PEX12: variants seen among roughly 807,000 people sequenced by gnomAD.
PEX12 encodes the protein peroxisome assembly protein 12.
In PEX12, 31 loss-of-function variants were observed where a neutral mutation model predicts 32.5. That is an observed-to-expected ratio of 0.95 (90% CI 0.72 to 1.29). The LOEUF (loss-of-function observed/expected upper bound fraction) is 1.29, where lower values mean the gene tolerates loss of function less well. PEX12 is among the 50% of genes most tolerant of loss of function. The pLI, the probability that PEX12 is intolerant of heterozygous loss-of-function variation, is 0.00. For missense variants in PEX12, 359 were observed against 419.0 expected, an observed-to-expected ratio of 0.86 and a Z score of 1.25; for synonymous variants, 148 against 157.2, an observed-to-expected ratio of 0.94 and a Z score of 0.44.
intron 2 of PEX12, among the ~76,000 whole-genome samples, chr17:35,576,434 C>A (rs1597922684): frequency 1.4e-5 from 2 of 142,526 alleles, no homozygotes; most frequent in African/African-American, 2.6e-5. Flanking sequence ...AAAGATAAAT[C>A]AGAGAATTTG....
chr17:35,578,521 GCGC>G lies in PEX12; in HGVS notation c.-503_-501del, dbSNP rs1244927794. The G allele has an allele frequency of 4.3e-6, 1 of 234,096 alleles. No homozygotes were observed. The highest frequency in any genetic ancestry group is 2.3e-5 in the African/African-American group (1 of 44,424). The allele number at this position is 234,096 out of a possible 1,614,324, so 14.5% of individuals were successfully genotyped here. ...TCCTTGCTCGCTGACCCCAGGCGAG[GCGC>G]AAACAACCCACGACGCCACGTTTGA... On this transcript the variant is annotated 5_prime_UTR_variant, in exon 1 of 3. Coordinates refer to ENST00000225873, the MANE Select transcript of PEX12 (RefSeq NM_000286.3).
rs1462672672 is a variant in PEX12 at position 35,575,609 on chromosome 17, C to T, written c.*173G>A. 2.9e-6 allele frequency: 2 copies of T among 699,322 alleles called. No individual in the cohort carries two copies. Among genetic ancestry groups the T allele is most frequent in the Non-Finnish European group, 5.0e-6 (2 of 397,796 alleles). The allele number at this position is 699,322 out of a possible 1,614,324, so 43.3% of individuals were successfully genotyped here. A position where few individuals can be genotyped will look rare whatever the true frequency, so the allele number is the denominator to read the frequency against. ...TGTAAGTAGGGTTCTAGAGAGCAGG[C>T]TAAAAGGTTAGGATCAAATGGGCAT... is the stretch of plus-strand genomic sequence containing the variant. On this transcript the variant is annotated 3_prime_UTR_variant, in exon 3 of 3. Transcript: ENST00000225873.
Position 35,578,092 on chromosome 17 carries a change from A to G in PEX12, c.-71T>C. On this transcript the variant is annotated 5_prime_UTR_variant, in exon 1 of 3. Transcript: ENST00000225873. ...GTGAGCATGAACTTTTTCGGGAGGA[A>G]GAGTATCAGATGGGTGCTCAGTCTT... 4 of 1,586,742 alleles carry G rather than the reference A, an allele frequency of 2.5e-6. No homozygotes were observed. The highest frequency in any genetic ancestry group is 2.2e-5 in the East Asian group (1 of 44,674).
intron 2 of PEX12, 57 bp downstream of exon 2, chr17:35,576,981 G>C: frequency 6.7e-7 from 1 of 1,494,970 alleles, no homozygotes; most frequent in Non-Finnish European, 9.3e-7. Context: ...TTACAAAACT[G>C]GGATACGATT....
At position 35,575,747 on chromosome 17, in the gene PEX12, A is replaced by T. The variant is rs780946763; in HGVS notation, c.*35T>A. On this transcript the variant is annotated 3_prime_UTR_variant, in exon 3 of 3. Coordinates refer to ENST00000225873, the MANE Select transcript of PEX12 (RefSeq NM_000286.3). ...ACCAGCTCTGTGACATTACAGCGCA[A>T]TACTTTTGTTGTGAGGATAAGACAT... The T allele has an allele frequency of 8.1e-6, 13 of 1,607,328 alleles. No individual in the cohort carries two copies. Among genetic ancestry groups the T allele is most frequent in the Non-Finnish European group, 1.1e-5 (13 of 1,173,894 alleles).
At position 35,577,460 on chromosome 17, in the gene PEX12, A is replaced by G. The variant is rs529434949; in HGVS notation, c.258T>C (p.Phe86=). The change falls in exon 2 of 3, where the codon TTT becomes TTC. Residue 86 remains phenylalanine, a synonymous_variant. Transcript: ENST00000225873. The stretch of plus-strand genomic sequence containing the variant: ...CCATTACAATTCTCTTTAAGCCGTA[A>G]AAGTTTTCAGAAAATGAGGCACTGG... The part of the protein sequence containing the change: ...SRTSASFSEN[F]YGLKRIVMGD... 6 of 1,614,176 alleles carry G rather than the reference A, an allele frequency of 3.7e-6. No individual in the cohort carries two copies. The East Asian group carries it at 1.3e-4, about 36-fold the overall frequency.
At position 35,578,365 on chromosome 17, in the gene PEX12, A is replaced by G. The variant is rs531377639; in HGVS notation, c.-344T>C. ...GCAATCCTCTGGAGCTGCGAACCAG[A>G]AACGCCCCCTCCTCCCCAATCGTGA... On this transcript the variant is annotated 5_prime_UTR_variant, in exon 1 of 3. Transcript: ENST00000225873. The G allele has an allele frequency of 2.8e-6, 1 of 354,178 alleles. No homozygotes were observed. Among genetic ancestry groups the G allele is most frequent in the Admixed American group, 3.8e-5 (1 of 26,364 alleles). The allele number at this position is 354,178 out of a possible 1,614,324, so 21.9% of individuals were successfully genotyped here. A position where few individuals can be genotyped will look rare whatever the true frequency, so the allele number is the denominator to read the frequency against.
At chr17:35,576,600 T>C (rs1241655332) in intron 2 of PEX12, among the ~76,000 whole-genome samples, 1 of 152,058 alleles carries the variant, frequency 6.6e-6, no homozygotes, top group African/African-American at 2.4e-5. Context: ...CACAGCATCA[T>C]GATTAAGAGC....
chr17:35,577,682 A>G, intron 1 of PEX12, 91 bp from the exon 2 acceptor site: 1 of 1,423,308 alleles, frequency 7.0e-7, no homozygotes, highest in Middle Eastern at 2.4e-4. Flanking sequence ...AAGTCTACAC[A>G]ATTTGTTTTA....
Position 35,577,571 on chromosome 17 carries a change from G to A in PEX12, c.147C>T (p.Pro49=). Residue 49 remains proline (P), a synonymous_variant, in exon 2 of 3, where the codon CCC becomes CCT. Coordinates refer to ENST00000225873, the MANE Select transcript of PEX12 (RefSeq NM_000286.3). The part of the protein sequence containing the change: ...HVVKVLAESN[P]THYGFLWRWF... Reference sequence around the variant, plus strand: ...ACCTCCACAAGAAGCCATAGTGGGTGGGATTTGATTCTGCAAGAACCTAAA... The same window carrying A: ...ACCTCCACAAGAAGCCATAGTGGGTAGGATTTGATTCTGCAAGAACCTAAA... 1 of 1,613,154 alleles carries A rather than the reference G, an allele frequency of 6.2e-7. No homozygotes were observed. The highest frequency in any genetic ancestry group is 8.5e-7 in the Non-Finnish European group (1 of 1,180,010).
chr17:35,577,037 C>T lies in PEX12; in HGVS notation c.680+1G>A, dbSNP rs904972651. The stretch of plus-strand genomic sequence containing the variant: ...ATCTTTTGGAAATGTTAAGGCCTTA[C>T]CTCCTGGCTGGTTGCTGCATCATGC... On this transcript the variant is annotated splice_donor_variant, in intron 2 of 2. Transcript: ENST00000225873. LOFTEE classifies it high-confidence loss of function. The T allele has an allele frequency of 2.5e-6, 4 of 1,613,628 alleles. No individual in the cohort carries two copies. The African/African-American group carries it at 5.3e-5, about 22-fold the overall frequency.
chr17:35,576,128 A>G lies in PEX12; in HGVS notation c.734T>C (p.Leu245Ser), dbSNP rs1364396743. 6.2e-7 allele frequency: 1 copy of G among 1,614,034 alleles called. No individual in the cohort carries two copies. Among genetic ancestry groups the G allele is most frequent in the African/African-American group, 1.3e-5 (1 of 74,928 alleles). ...CACAGAAAGGCCAGTAGACAGGGATAAGGCAACACCCCCAACAGCTTTCTT... is the reference window on the plus strand; with the variant it reads ...CACAGAAAGGCCAGTAGACAGGGATGAGGCAACACCCCCAACAGCTTTCTT... ...ALKKAVGGVA[L>S]SLSTGLSVGV... Residue 245 changes from leucine (L) to serine (S), a missense_variant, in exon 3 of 3, where the codon TTA (leucine) becomes TCA (serine). Physicochemically the swap from Leu to Ser is moderately radical, Grantham distance 145 (BLOSUM62 -2). Transcript: ENST00000225873.
Position 35,575,466 on chromosome 17 carries a change from A to G in PEX12, c.*316T>C, listed in dbSNP as rs989722936. 14 of 295,166 alleles carry G rather than the reference A, an allele frequency of 4.7e-5. No individual in the cohort carries two copies. Among genetic ancestry groups the G allele is most frequent in the Middle Eastern group, 1.1e-3 (1 of 870 alleles). The allele number at this position is 295,166 out of a possible 1,614,324, so 18.3% of individuals were successfully genotyped here. On this transcript the variant is annotated 3_prime_UTR_variant, in exon 3 of 3. Transcript: ENST00000225873. The stretch of plus-strand genomic sequence containing the variant: ...TTTCGTAAGAGCTCCTTTATTTCTT[A>G]TATTTTAAGGAAAGGGATAGGCAAA...
Position 35,577,947 on chromosome 17 carries a change from T to C in PEX12, c.75A>G (p.Ala25=), listed in dbSNP as rs765205355. The change falls in exon 1 of 3, where the codon GCA becomes GCG. Residue 25 remains alanine (A), a synonymous_variant. Transcript: ENST00000225873. The part of the protein sequence containing the change: ...DDQPSIFEVV[A]QDSLMTAVRP... Reference sequence around the variant, plus strand: ...TCACTGCTGTCATTAAACTGTCCTGTGCTACCACCTCAAAGATGGATGGCT... The same window carrying C: ...TCACTGCTGTCATTAAACTGTCCTGCGCTACCACCTCAAAGATGGATGGCT... The C allele has an allele frequency of 3.1e-6, 5 of 1,614,094 alleles. No homozygotes were observed. In the East Asian group the frequency reaches 8.9e-5, roughly 29 times the overall value.
rs1406586243 is a variant in PEX12 at position 35,576,176 on chromosome 17, C to T, written c.686G>A (p.Ser229Asn). The change falls in exon 3 of 3, where the codon AGT (serine) becomes AAT (asparagine). Residue 229 changes from serine (S) to asparagine (N), a missense_variant. Physicochemically the swap from Ser to Asn is conservative, Grantham distance 46. Coordinates refer to ENST00000225873, the MANE Select transcript of PEX12 (RefSeq NM_000286.3). The stretch of plus-strand genomic sequence containing the variant: ...CTTCAGAGCTGAGTTTATCTTCTCA[C>T]TAACACTGTTGGGAGAAAAGAACAA... ...SMMQQPARSV[S>N]EKINSALKKA... 6.2e-7 allele frequency: 1 copy of T among 1,613,790 alleles called. No homozygotes were observed. The highest frequency in any genetic ancestry group is 8.5e-7 in the Non-Finnish European group (1 of 1,180,004).
At position 35,578,377 on chromosome 17, in the gene PEX12, C is replaced by T; in HGVS notation, c.-356G>A. 1 of 352,646 alleles carries T rather than the reference C, an allele frequency of 2.8e-6. No individual in the cohort carries two copies. 21.8% of individuals were successfully genotyped at this position (352,646 alleles called of 1,614,324 possible). On this transcript the variant is annotated 5_prime_UTR_variant, in exon 1 of 3. Transcript: ENST00000225873. ...AGCTGCGAACCAGAAACGCCCCCTC[C>T]TCCCCAATCGTGAGAGCTCAAAAGC... is the stretch of plus-strand genomic sequence containing the variant.
At position 35,576,112 on chromosome 17, in the gene PEX12, G is replaced by T; in HGVS notation, c.750C>A (p.Gly250=). 6.2e-7 allele frequency: 1 copy of T among 1,614,034 alleles called. No homozygotes were observed. The part of the protein sequence containing the change: ...VGGVALSLST[G]LSVGVFFLQF... ...GCAAGAAGAATACACCCACAGAAAG[G>T]CCAGTAGACAGGGATAAGGCAACAC... Residue 250 remains glycine (G), a synonymous_variant, in exon 3 of 3, where the codon GGC becomes GGA. Coordinates refer to ENST00000225873, the MANE Select transcript of PEX12 (RefSeq NM_000286.3).
In PEX12 at chr17:35,575,868, A is replaced by G. The variant is rs1483942313; in HGVS notation, c.994T>C (p.Tyr332His). 4 of 1,614,062 alleles carry G rather than the reference A, an allele frequency of 2.5e-6. No individual in the cohort carries two copies. Among genetic ancestry groups the G allele is most frequent in the East Asian group, 2.2e-5 (1 of 44,900 alleles). The change falls in exon 3 of 3, where the codon TAT becomes CAT. Residue 332 changes from tyrosine (Y) to histidine (H), a missense_variant. Tyr to His is a moderately conservative substitution (Grantham distance 83). Transcript: ENST00000225873. Reference sequence around the variant, plus strand: ...GGACAAGCTTGGTGACTCCTCACATAATGAAACACACAGCGGTAACAAAAC... The same window carrying G: ...GGACAAGCTTGGTGACTCCTCACATGATGAAACACACAGCGGTAACAAAAC... ...YVFCYRCVFHYVRSHQACPIT... is the reference protein window; with the variant it reads ...YVFCYRCVFHHVRSHQACPIT...
chr17:35,576,048 T>C lies in PEX12; in HGVS notation c.814A>G (p.Thr272Ala). Reference sequence around the variant, plus strand: ...GGCAGGGCAGTCAATGACTTGATGGTTTCTTGATTTTCAGATGAGTACCAC... The same window carrying C: ...GGCAGGGCAGTCAATGACTTGATGGCTTCTTGATTTTCAGATGAGTACCAC... ...DWWYSSENQE[T>A]IKSLTALPTP... Residue 272 changes from threonine (T) to alanine (A), a missense_variant, in exon 3 of 3, where the codon ACC becomes GCC. By Grantham distance (58) the Thr-to-Ala change is moderately conservative (BLOSUM62 0). Transcript: ENST00000225873. 1 of 1,614,088 alleles carries C rather than the reference T, an allele frequency of 6.2e-7. No individual in the cohort carries two copies. The highest frequency in any genetic ancestry group is 8.5e-7 in the Non-Finnish European group (1 of 1,179,994).
Sources: gnomAD v4.1 joint callset for allele counts (sites outside exome capture counted in the v4.1 genomes callset) on GRCh38, gnomAD v4.1.1 for gene constraint, MANE v1.5 for transcripts, NCBI Gene and HGNC (gene_info 2026-07-23, HGNC 2026-07-21) for gene names.